The following LRRTM4 variants were observed in gnomAD, a reference collection of about 807,000 sequenced individuals.
LRRTM4 encodes the protein leucine rich repeat transmembrane neuronal 4, also known as leucine-rich repeat transmembrane neuronal protein 4.
In LRRTM4, 25 loss-of-function variants were observed where a neutral mutation model predicts 47.6. The ratio of observed to expected loss-of-function variants is 0.53; its 90% CI spans 0.38 to 0.73. The LOEUF is 0.73. Ranked by LOEUF, LRRTM4 falls within the 30% of genes least tolerant of loss-of-function variation. The pLI is 0.00. For synonymous variants in LRRTM4, 311 were observed against 269.5 expected (o/e 1.15, Z -1.51); for missense variants, 638 against 713.4 (o/e 0.89, Z 1.20).
chr2:77,363,819 TAGG>T (rs1302901168), intron 3 of LRRTM4, among the ~76,000 whole-genome samples: 2 of 152,154 alleles, frequency 1.3e-5, no homozygotes, highest in Non-Finnish European at 2.9e-5. Context: ...AAGTAGGTAT[TAGG>T]AGGAGTGCTT....
chr2:77,253,016 C>A (rs1393536479), intron 3 of LRRTM4, among the ~76,000 whole-genome samples: 1 of 151,940 alleles, frequency 6.6e-6, no homozygotes, highest in African/African-American at 2.4e-5. Context: ...TAATTCTCTC[C>A]CTGCCTCCCA....
At chr2:77,224,160 T>C (rs899493643) in intron 3 of LRRTM4, among the ~76,000 whole-genome samples, 1 of 151,512 alleles carries the variant, frequency 6.6e-6, no homozygotes, top group Non-Finnish European at 1.5e-5. Flanking sequence ...TAGCCATATG[T>C]AGAAAGCTGA....
chr2:77,251,596 A>G, intron 3 of LRRTM4, among the ~76,000 whole-genome samples: 1 of 152,250 alleles, frequency 6.6e-6, no homozygotes, highest in Middle Eastern at 3.4e-3. Flanking sequence ...TAATCTCCAC[A>G]AAAATCTTTT....
In LRRTM4 at chr2:77,518,495, C is replaced by G; in HGVS notation, c.1374G>C (p.Gln458His). 1 of 1,613,412 alleles carries G rather than the reference C, an allele frequency of 6.2e-7. No individual in the cohort carries two copies. Residue 458 changes from glutamine (Q) to histidine (H), a missense_variant, in exon 3 of 4, where the codon CAG becomes CAC. Coordinates refer to ENST00000409884, the MANE Select transcript of LRRTM4 (RefSeq NM_001134745.3). The part of the protein sequence containing the change: ...KRYPASMKQL[Q>H]QHSLMKRRRK... The stretch of plus-strand genomic sequence containing the variant: ...GCCGCCTCTTCATAAGAGAGTGTTG[C>G]TGGAGTTGTTTCATGCTGGCTGGGT...
chr2:77,097,117 G>C (rs1048938624), intron 3 of LRRTM4, among the ~76,000 whole-genome samples: 1 of 151,430 alleles, frequency 6.6e-6, no homozygotes. Flanking sequence ...TTTACCCCAG[G>C]GTTAATAATA....
At chr2:76,844,918 AG>A (rs1188211072) in intron 3 of LRRTM4, among the ~76,000 whole-genome samples, 3 of 152,172 alleles carry the variant, frequency 2.0e-5, no homozygotes, top group Non-Finnish European at 4.4e-5. Context: ...ACCAATCAAA[AG>A]GCGGTAATGT....
chr2:77,221,098 C>A (rs1573097542), intron 3 of LRRTM4, among the ~76,000 whole-genome samples: 1 of 152,120 alleles, frequency 6.6e-6, no homozygotes, highest in Non-Finnish European at 1.5e-5. Flanking sequence ...TCATATCCAG[C>A]CAAACTAAGC....
At chr2:77,322,342 A>G (rs1677820631) in intron 3 of LRRTM4, among the ~76,000 whole-genome samples, 1 of 152,134 alleles carries the variant, frequency 6.6e-6, no homozygotes, top group Admixed American at 6.5e-5. Flanking sequence ...TTTAAGTAAC[A>G]TAGTTGACAT....
intron 3 of LRRTM4, among the ~76,000 whole-genome samples, chr2:76,803,514 A>G (rs1183512788): frequency 1.3e-5 from 2 of 152,204 alleles, no homozygotes; most frequent in African/African-American, 2.4e-5. Flanking sequence ...AAATCAGTAT[A>G]GCCAATGTGT....
At chr2:76,964,139 C>A (rs1675948741) in intron 3 of LRRTM4, among the ~76,000 whole-genome samples, 1 of 150,882 alleles carries the variant, frequency 6.6e-6, no homozygotes, top group African/African-American at 2.4e-5. Context: ...CCCCTATGAG[C>A]CAAACAAAAT....
At chr2:76,909,193 A>G (rs1260565290) in intron 3 of LRRTM4, among the ~76,000 whole-genome samples, 3 of 152,228 alleles carry the variant, frequency 2.0e-5, no homozygotes, top group Non-Finnish European at 4.4e-5. Flanking sequence ...AATGCTGCTT[A>G]TCTACAACTA....
chr2:77,133,981 G>A (rs942965425), intron 3 of LRRTM4, among the ~76,000 whole-genome samples: 10 of 152,106 alleles, frequency 6.6e-5, no homozygotes, highest in African/African-American at 2.2e-4. Context: ...AAAAATTAAT[G>A]TAGGTACACT....
chr2:77,158,266 C>A (rs944919986), intron 3 of LRRTM4, among the ~76,000 whole-genome samples: 1 of 151,988 alleles, frequency 6.6e-6, no homozygotes, highest in Non-Finnish European at 1.5e-5. Flanking sequence ...ATAAAAATGT[C>A]AAAAAATATA....
Position 77,368,316 on chromosome 2 carries a change from G to A in LRRTM4, c.1551+150002C>T, listed in dbSNP as rs185074619. Among the ~76,000 whole-genome samples the A allele has an allele frequency of 7.8e-4, 119 of 151,784 alleles. 1 individual carries two copies. Among genetic ancestry groups the A allele is most frequent in the African/African-American group, 2.7e-3 (110 of 41,456 alleles). ...AGAGGCAGAGGAACTGGATTCAAGGGATAAAGAAGAAAACATATGTGACAT... is the reference window on the plus strand; with the variant it reads ...AGAGGCAGAGGAACTGGATTCAAGGAATAAAGAAGAAAACATATGTGACAT... On this transcript the variant is annotated intron_variant, in intron 3 of 3. Coordinates refer to ENST00000409884, the MANE Select transcript of LRRTM4 (RefSeq NM_001134745.3).
chr2:77,497,495 T>C (rs956105770), intron 3 of LRRTM4, among the ~76,000 whole-genome samples: 7 of 151,372 alleles, frequency 4.6e-5, no homozygotes, highest in Non-Finnish European at 1.0e-4. Context: ...GACTCTACAA[T>C]AAGAATCTTC....
chr2:76,972,358 T>C (rs913894933), intron 3 of LRRTM4, among the ~76,000 whole-genome samples: 1 of 151,644 alleles, frequency 6.6e-6, no homozygotes, highest in Non-Finnish European at 1.5e-5. Flanking sequence ...AAGTCACCTG[T>C]CACTCTCTGC....
intron 3 of LRRTM4, among the ~76,000 whole-genome samples, chr2:77,389,288 GT>G (rs1183695694): frequency 6.6e-6 from 1 of 151,954 alleles, no homozygotes; most frequent in African/African-American, 2.4e-5. Context: ...GCTTGATTTT[GT>G]TTCAAAAAGA....
chr2:76,909,007 TG>T (rs1673952316), intron 3 of LRRTM4, among the ~76,000 whole-genome samples: 1 of 152,088 alleles, frequency 6.6e-6, no homozygotes, highest in Non-Finnish European at 1.5e-5. Flanking sequence ...AAAGTTCACA[TG>T]GAAGCAAAAA....
chr2:77,013,436 T>G (rs1243305934), intron 3 of LRRTM4, among the ~76,000 whole-genome samples: 6 of 151,634 alleles, frequency 4.0e-5, no homozygotes, highest in African/African-American at 1.5e-4. Flanking sequence ...CGCCTTGTAA[T>G]GAGCATTGGA....
Sources: gnomAD v4.1 joint callset for allele counts (sites outside exome capture counted in the v4.1 genomes callset) on GRCh38, gnomAD v4.1.1 for gene constraint, MANE v1.5 for transcripts, NCBI Gene and HGNC (gene_info 2026-07-23, HGNC 2026-07-21) for gene names.